TUT7: variants seen among roughly 807,000 people sequenced by gnomAD.
The protein encoded by TUT7 is terminal uridylyltransferase 7.
TUT7 carries 33 observed loss-of-function variants against 165.9 expected under a neutral mutation model. The observed-to-expected ratio is 0.20, with a 90% CI of 0.15 to 0.27. The LOEUF is 0.27. Among genes scored for constraint, TUT7 ranks in the 10% least tolerant of loss-of-function variants. The pLI is 1.00. For missense variants in TUT7, 1,338 were observed against 1,762.3 expected, an observed-to-expected ratio of 0.76 and a Z score of 4.31; for synonymous variants, 552 against 608.1, an observed-to-expected ratio of 0.91 and a Z score of 1.36.
At chr9:86,335,997 G>C (rs886187589) in intron 10 of TUT7, among the ~76,000 whole-genome samples, 4 of 152,162 alleles carry the variant, frequency 2.6e-5, no homozygotes, top group Non-Finnish European at 5.9e-5. Flanking sequence ...ATACTACCCT[G>C]AAGTATCCTT....
intron 26 of TUT7, among the ~76,000 whole-genome samples, chr9:86,290,686 C>CAAAAAAAAAAAAAAAA (rs749800073): frequency 1.8e-5 from 1 of 54,774 alleles, no homozygotes; most frequent in African/African-American, 6.2e-5. Flanking sequence ...TACTAAAATA[C>CAAAAAAAAAAAAAAAA]AAAAAAAAAA....
Position 86,352,870 on chromosome 9 carries a change from T to C in TUT7, c.330A>G (p.Ser110=). The C allele has an allele frequency of 6.2e-7, 1 of 1,614,240 alleles. No homozygotes were observed. Among genetic ancestry groups the C allele is most frequent in the Admixed American group, 1.7e-5 (1 of 60,034 alleles). The stretch of plus-strand genomic sequence containing the variant: ...CAGGTTTGAATTCTCTCCAGTTGTC[T>C]GAATTACCAGTATGTTCATCAGACA... ...RWLSDEHTGN[S]DNWREFKPGP... Residue 110 remains serine, a synonymous_variant, in exon 2 of 27, where the codon TCA becomes TCG. Transcript: ENST00000375963.
In TUT7 at chr9:86,346,381, G is replaced by C; in HGVS notation, c.620C>G (p.Ser207Cys). ...TAGCAGCTCCTTCGTTGAAAGTACA[G>C]ACTCATCGATCACAGGGCCTTCCAA... The part of the protein sequence containing the change: ...GDLEGPVIDE[S>C]VLSTKELLGL... Residue 207 changes from serine (S) to cysteine (C), a missense_variant, in exon 3 of 27, where the codon TCT becomes TGT. By Grantham distance (112) the Ser-to-Cys change is moderately radical. Coordinates refer to ENST00000375963, the MANE Select transcript of TUT7 (RefSeq NM_024617.4). The C allele has an allele frequency of 1.9e-6, 3 of 1,614,080 alleles. No individual in the cohort carries two copies. Among genetic ancestry groups the C allele is most frequent in the African/African-American group, 1.3e-5 (1 of 75,016 alleles).
At chr9:86,310,655 G>T in intron 18 of TUT7, 51 bp downstream of exon 18, 1 of 971,586 alleles carries the variant, frequency 1.0e-6, no homozygotes, top group Non-Finnish European at 1.6e-6. Context: ...TGCAAGGTGA[G>T]ACATTTGTTC....
chr9:86,343,868 T>C (rs1190066955), intron 5 of TUT7, among the ~76,000 whole-genome samples: 2 of 152,224 alleles, frequency 1.3e-5, no homozygotes, highest in Non-Finnish European at 2.9e-5. Flanking sequence ...GCCAAAATAG[T>C]ATCCTTTCTC....
intron 10 of TUT7, among the ~76,000 whole-genome samples, chr9:86,333,045 CTGAG>C (rs1408886780): frequency 6.6e-6 from 1 of 152,082 alleles, no homozygotes; most frequent in African/African-American, 2.4e-5. Context: ...TTGACTCTTT[CTGAG>C]TAATTCTGGA....
chr9:86,334,275 A>T (rs1188741993), intron 10 of TUT7, among the ~76,000 whole-genome samples: 2 of 152,110 alleles, frequency 1.3e-5, no homozygotes, highest in African/African-American at 4.8e-5. Context: ...TTTTCCTCTC[A>T]TCCTGCCAGA....
chr9:86,295,700 C>T (rs1033984888), intron 26 of TUT7, among the ~76,000 whole-genome samples: 1 of 151,924 alleles, frequency 6.6e-6, no homozygotes, highest in Admixed American at 6.6e-5. Flanking sequence ...AATAAGCAGG[C>T]CTTAAAATTC....
At chr9:86,313,037 A>T (rs1828352411) in intron 17 of TUT7, among the ~76,000 whole-genome samples, 1 of 152,042 alleles carries the variant, frequency 6.6e-6, no homozygotes, top group Admixed American at 6.6e-5. Flanking sequence ...TTATCTGCTG[A>T]CCAGATAAAC....
chr9:86,325,577 A>G (rs1587946673), intron 11 of TUT7, 63 bp from the exon 12 acceptor site: 1 of 1,457,960 alleles, frequency 6.9e-7, no homozygotes, highest in East Asian at 2.3e-5. Flanking sequence ...GGAAAATTAA[A>G]GATCATTTAA....
intron 26 of TUT7, among the ~76,000 whole-genome samples, chr9:86,291,612 C>A (rs1363429546): frequency 1.3e-5 from 2 of 150,356 alleles, no homozygotes; most frequent in Non-Finnish European, 1.5e-5. Flanking sequence ...CCCCTTGCAT[C>A]ACCAGAGTCA....
rs756829339 is a variant in TUT7, at chr9:86,328,454, G to A, written c.1494C>T (p.Asn498=). 3 of 1,610,758 alleles carry A rather than the reference G, an allele frequency of 1.9e-6. No homozygotes were observed. Among genetic ancestry groups the A allele is most frequent in the South Asian group, 1.1e-5 (1 of 90,498 alleles). Residue 498 remains asparagine (N), a synonymous_variant, in exon 11 of 27, where the codon AAC becomes AAT. Transcript: ENST00000375963. ...CAACATCTTTTTCAATGTCTTGAAG[G>A]TTGAAATTCCCTAGTTTGCTTAATG... ...GFSLSKLGNF[N]LQDIEKDVVI...
rs530023881 is a variant in TUT7 at position 86,312,649 on chromosome 9, T to C, written c.3275-1840A>G. Reference sequence around the variant, plus strand: ...CATTGAGAACAGGCCATGATGACAATGGCGGTTTTGTGGAATAGAAAGCGG... The same window carrying C: ...CATTGAGAACAGGCCATGATGACAACGGCGGTTTTGTGGAATAGAAAGCGG... On this transcript the variant is annotated intron_variant, in intron 17 of 26. Transcript: ENST00000375963. 6.6e-4 allele frequency among the ~76,000 whole-genome samples: 100 copies of C among 152,260 alleles called. No individual in the cohort carries two copies. In the South Asian group the frequency reaches 0.011, roughly 16 times the overall value.
intron 11 of TUT7, among the ~76,000 whole-genome samples, chr9:86,327,745 G>A (rs1460039430): frequency 1.3e-4 from 20 of 152,160 alleles, no homozygotes; most frequent in Admixed American, 1.3e-3. Context: ...GGAGTGACAT[G>A]ACTTGTTTGT....
intron 17 of TUT7, among the ~76,000 whole-genome samples, chr9:86,313,036 G>A (rs1482767751): frequency 6.6e-6 from 1 of 151,876 alleles, no homozygotes; most frequent in Non-Finnish European, 1.5e-5. Flanking sequence ...TTTATCTGCT[G>A]ACCAGATAAA....
At position 86,337,448 on chromosome 9, in the gene TUT7, G is replaced by A. The variant is rs749497606; in HGVS notation, c.1426C>T (p.Pro476Ser). 1.9e-6 allele frequency: 3 copies of A among 1,613,820 alleles called. No homozygotes were observed. Among genetic ancestry groups the A allele is most frequent in the Non-Finnish European group, 2.5e-6 (3 of 1,179,846 alleles). ...GATCCTAGATATACAGGCAAAAGGGGTTCTTTCCTCTGCTGAAGAAAGAAA... is the reference window on the plus strand; with the variant it reads ...GATCCTAGATATACAGGCAAAAGGGATTCTTTCCTCTGCTGAAGAAAGAAA... The part of the protein sequence containing the change: ...AIFFLQQRKE[P>S]LLPVYLGSWI... Residue 476 changes from proline (P) to serine (S), a missense_variant, in exon 10 of 27, where the codon CCC becomes TCC. Coordinates refer to ENST00000375963, the MANE Select transcript of TUT7 (RefSeq NM_024617.4).
At chr9:86,325,537 T>C in intron 11 of TUT7, 23 bp from the exon 12 acceptor site, 1 of 1,594,008 alleles carries the variant, frequency 6.3e-7, no homozygotes, top group Non-Finnish European at 8.6e-7. Context: ...AAGAGAAACA[T>C]ACAGGTTATT....
chr9:86,319,164 T>C (rs1828999869), intron 15 of TUT7, 106 bp from the exon 16 acceptor site: 1 of 679,938 alleles, frequency 1.5e-6, no homozygotes, highest in African/African-American at 1.8e-5. Context: ...TTAATTATCC[T>C]ATATTAATCT....
intron 1 of TUT7, among the ~76,000 whole-genome samples, chr9:86,353,657 A>G (rs1832493054): frequency 6.6e-6 from 1 of 152,188 alleles, no homozygotes; most frequent in African/African-American, 2.4e-5. Flanking sequence ...ATTACTTGTA[A>G]GTGTTATACA....
Sources: allele counts gnomAD v4.1 joint callset (sites outside exome capture counted in the v4.1 genomes callset), GRCh38; gene constraint gnomAD v4.1.1; transcripts MANE v1.5; gene names NCBI Gene and HGNC (gene_info 2026-07-23, HGNC 2026-07-21).